Variants in CLCN5 observed in about 807,000 individuals in gnomAD.
CLCN5 encodes the protein H(+)/Cl(-) exchange transporter 5.
CLCN5 carries 17 observed loss-of-function variants against 54.0 expected under a neutral mutation model. The observed-to-expected ratio is 0.31, with a 90% confidence interval of 0.22 to 0.47. The LOEUF is 0.47. CLCN5 is among the 20% of genes least tolerant of loss of function. The probability of loss-of-function intolerance (pLI) is 1.00; values close to 1 mark genes in which losing one functional copy is unlikely to be tolerated. For missense variants in CLCN5, 448 were observed against 646.7 expected (o/e 0.69, Z 3.33); for synonymous variants, 222 against 233.0 (o/e 0.95, Z 0.43).
At chrX:50,007,826 A>G (rs948130922) in intron 3 of CLCN5, among the ~76,000 whole-genome samples, 4 of 112,234 alleles carry the variant, frequency 3.6e-5, no homozygotes, top group Admixed American at 9.5e-5. Context: ...TAGGCTTTAA[A>G]TTGTCCTCAT....
At chrX:49,948,046 C>A (rs1475834645) in intron 3 of CLCN5, among the ~76,000 whole-genome samples, 2 of 110,898 alleles carry the variant, frequency 1.8e-5, no homozygotes, top group Non-Finnish European at 3.8e-5. Context: ...TTCTCCATTA[C>A]TTTTGTTTCC....
intron 4 of CLCN5, among the ~76,000 whole-genome samples, chrX:50,063,169 T>C (rs1342225947): frequency 3.1e-5 from 3 of 96,728 alleles, no homozygotes; most frequent in African/African-American, 1.2e-4. Context: ...AGAGCAGAAC[T>C]GAAGGAAATA....
At chrX:50,002,681 C>CTG (rs60257335) in intron 3 of CLCN5, among the ~76,000 whole-genome samples, 12,175 of 94,528 alleles carry the variant, frequency 0.13, 799 homozygotes, top group African/African-American at 0.22. Context: ...CTCTCTCTCT[C>CTG]TGTGTGTGTG....
chrX:49,966,149 T>C (rs1927835463), intron 3 of CLCN5, among the ~76,000 whole-genome samples: 1 of 111,563 alleles, frequency 9.0e-6, no homozygotes, highest in Non-Finnish European at 1.9e-5. Context: ...GAACTAGTAT[T>C]ATTTCTTCCT....
intron 3 of CLCN5, among the ~76,000 whole-genome samples, chrX:49,928,415 A>T (rs189774709): frequency 8.9e-6 from 1 of 112,390 alleles, no homozygotes; most frequent in African/African-American, 3.2e-5. Context: ...CATTATTATA[A>T]TAGTAAAACA....
intron 3 of CLCN5, among the ~76,000 whole-genome samples, chrX:49,942,773 A>G (rs1557171271): frequency 9.1e-6 from 1 of 110,465 alleles, no homozygotes; most frequent in African/African-American, 3.3e-5. Flanking sequence ...CATCGTGCAT[A>G]TGTGTCACAT....
intron 3 of CLCN5, among the ~76,000 whole-genome samples, chrX:50,036,653 T>C (rs1403774889): frequency 8.9e-6 from 1 of 112,244 alleles, no homozygotes; most frequent in Admixed American, 9.5e-5. Flanking sequence ...TTGGACTCCC[T>C]GTACCTTTAC....
chrX:50,025,653 C>T (rs1376982477), intron 3 of CLCN5, among the ~76,000 whole-genome samples: 1 of 108,547 alleles, frequency 9.2e-6, no homozygotes, highest in Non-Finnish European at 1.9e-5. Flanking sequence ...TTCTCTCTTA[C>T]TTACTCTTTC....
intron 2 of CLCN5, among the ~76,000 whole-genome samples, chrX:49,924,866 A>G (rs998448860): frequency 8.9e-6 from 1 of 112,266 alleles, no homozygotes; most frequent in Middle Eastern, 4.2e-3. Context: ...TCTCCAAAGC[A>G]TGAAACTTCA....
chrX:50,029,398 C>T (rs1237603288), intron 3 of CLCN5, among the ~76,000 whole-genome samples: 10 of 104,761 alleles, frequency 9.5e-5, no homozygotes, highest in Non-Finnish European at 1.4e-4. Context: ...TGAGAACATG[C>T]GGTGTTTGGT....
At chrX:49,925,357 A>T in intron 3 of CLCN5, 43 bp downstream of exon 3, 2 of 1,168,097 alleles carry the variant, frequency 1.7e-6, no homozygotes, top group Admixed American at 2.2e-5. Context: ...TTTTCCTCCT[A>T]CTCTATTCTC....
intron 3 of CLCN5, among the ~76,000 whole-genome samples, chrX:49,941,872 AAT>A (rs1926351440): frequency 9.4e-6 from 1 of 105,934 alleles, no homozygotes; most frequent in South Asian, 4.3e-4. Context: ...TTTCTCAATC[AAT>A]ATCTTTTTTT....
intron 4 of CLCN5, among the ~76,000 whole-genome samples, chrX:50,048,659 T>C (rs1427351997): frequency 9.0e-6 from 1 of 111,652 alleles, no homozygotes; most frequent in African/African-American, 3.3e-5. Context: ...GTGGGGTCTT[T>C]TTTGAGCATA....
At chrX:50,056,038 G>GAT (rs1483159515) in intron 4 of CLCN5, among the ~76,000 whole-genome samples, 46 of 107,210 alleles carry the variant, frequency 4.3e-4, no homozygotes, top group South Asian at 1.6e-3. Context: ...TCCCACATGA[G>GAT]ATATATATAT....
intron 3 of CLCN5, among the ~76,000 whole-genome samples, chrX:49,935,951 G>C: frequency 9.0e-6 from 1 of 111,101 alleles, no homozygotes; most frequent in Non-Finnish European, 1.9e-5. Flanking sequence ...AATGGGGAGT[G>C]TCTCATTCAT....
chrX:49,962,926 T>C, intron 3 of CLCN5, among the ~76,000 whole-genome samples: 1 of 111,751 alleles, frequency 8.9e-6, no homozygotes, highest in Middle Eastern at 4.2e-3. Context: ...ATTAGAATGA[T>C]AATAGGGAAT....
chrX:50,003,381 G>A, intron 3 of CLCN5: 1 of 337,122 alleles, frequency 3.0e-6, no homozygotes, highest in East Asian at 9.1e-5. Flanking sequence ...CATGGCCACT[G>A]CTCCTAGTTT....
At chrX:49,948,291 A>G (rs1317047567) in intron 3 of CLCN5, among the ~76,000 whole-genome samples, 2 of 110,386 alleles carry the variant, frequency 1.8e-5, no homozygotes, top group African/African-American at 6.6e-5. Context: ...CGTAACCACC[A>G]TTATCGGATT....
chrX:49,951,130 G>A (rs1346757342), intron 3 of CLCN5, among the ~76,000 whole-genome samples: 1 of 111,728 alleles, frequency 9.0e-6, no homozygotes, highest in African/African-American at 3.3e-5. Flanking sequence ...GAGCGTTAAA[G>A]TTAATTTGAC....
Sources: allele counts gnomAD v4.1 joint callset (sites outside exome capture counted in the v4.1 genomes callset), GRCh38; gene constraint gnomAD v4.1.1; transcripts MANE v1.5; gene names NCBI Gene and HGNC (gene_info 2026-07-23, HGNC 2026-07-21).